PARD3: variants seen among roughly 807,000 people sequenced by gnomAD.
The protein encoded by PARD3 is partitioning defective 3 homolog.
A neutral mutation model predicts 155.4 loss-of-function variants in PARD3; 75 were observed. The observed-to-expected ratio is 0.48, with a 90% CI of 0.40 to 0.58. PARD3 has a LOEUF of 0.58. Among genes scored for constraint, PARD3 ranks in the 20% least tolerant of loss-of-function variants. PARD3 has a pLI of 0.00. For synonymous variants in PARD3, 576 were observed against 610.5 expected (o/e 0.94, Z 0.83); for missense variants, 1,642 against 1,721.7 (o/e 0.95, Z 0.82).
intron 22 of PARD3, among the ~76,000 whole-genome samples, chr10:34,192,395 G>A (rs1011257729): frequency 3.3e-5 from 5 of 152,146 alleles, no homozygotes; most frequent in African/African-American, 1.2e-4. Flanking sequence ...ACCGTCCCCA[G>A]CCCTGCTTGT....
At chr10:34,131,813 TC>T (rs1393760521) in intron 22 of PARD3, among the ~76,000 whole-genome samples, 38 of 136,756 alleles carry the variant, frequency 2.8e-4, no homozygotes, top group African/African-American at 9.9e-4. Flanking sequence ...TTTTAGATAT[TC>T]TTTTTTTTTT....
chr10:34,261,570 T>A (rs1954961657), intron 22 of PARD3, among the ~76,000 whole-genome samples: 1 of 151,828 alleles, frequency 6.6e-6, no homozygotes, highest in Non-Finnish European at 1.5e-5. Context: ...GTGCCTGTAA[T>A]CCCAGCTACT....
At chr10:34,575,937 G>A (rs1257590110) in intron 2 of PARD3, among the ~76,000 whole-genome samples, 1 of 150,766 alleles carries the variant, frequency 6.6e-6, no homozygotes, top group Non-Finnish European at 1.5e-5. Flanking sequence ...AGGTATTTGA[G>A]CTCTTCTCTG....
chr10:34,746,773 T>C (rs544415840), intron 1 of PARD3, among the ~76,000 whole-genome samples: 1 of 152,328 alleles, frequency 6.6e-6, no homozygotes, highest in East Asian at 1.9e-4. Context: ...AGGAATTTAT[T>C]TGCTTCTACT....
chr10:34,480,520 T>C (rs910139943), intron 3 of PARD3, among the ~76,000 whole-genome samples: 9 of 152,172 alleles, frequency 5.9e-5, no homozygotes. Flanking sequence ...ATTACCAGCA[T>C]GAACCACCTC....
intron 3 of PARD3, among the ~76,000 whole-genome samples, chr10:34,515,000 T>C (rs7917311): frequency 0.03 from 4,602 of 152,314 alleles, 229 homozygotes; most frequent in African/African-American, 0.1. Flanking sequence ...ACAGTGTTAT[T>C]ACTCAAATAA....
At chr10:34,389,173 T>C (rs944309710) in intron 7 of PARD3, among the ~76,000 whole-genome samples, 1 of 146,712 alleles carries the variant, frequency 6.8e-6, no homozygotes. Flanking sequence ...TCTGAATAAT[T>C]TTCCTAATAC....
At chr10:34,318,254 A>G (rs962223431) in intron 19 of PARD3, among the ~76,000 whole-genome samples, 8 of 152,226 alleles carry the variant, frequency 5.3e-5, no homozygotes, top group African/African-American at 1.9e-4. Flanking sequence ...TAAGAAGCAG[A>G]GAGACACGTA....
chr10:34,596,630 G>A (rs939821534), intron 2 of PARD3, among the ~76,000 whole-genome samples: 8 of 151,796 alleles, frequency 5.3e-5, no homozygotes, highest in Admixed American at 1.3e-4. Flanking sequence ...CCCAACACAC[G>A]GGGATGACAA....
chr10:34,341,849 T>C (rs372369070), intron 15 of PARD3, 33 bp from the exon 16 acceptor site: 62 of 1,353,006 alleles, frequency 4.6e-5, no homozygotes, highest in Non-Finnish European at 6.2e-5. Context: ...GAGAAAATTC[T>C]AGACATCGAT....
chr10:34,701,225 C>T (rs141070263), intron 1 of PARD3, among the ~76,000 whole-genome samples: 101 of 152,102 alleles, frequency 6.6e-4, no homozygotes, highest in Non-Finnish European at 1.3e-3. Context: ...TGATTCAGAA[C>T]GCTGTGAACA....
At chr10:34,642,220 T>TGTC (rs1162075421) in intron 2 of PARD3, among the ~76,000 whole-genome samples, 1 of 151,964 alleles carries the variant, frequency 6.6e-6, no homozygotes, top group East Asian at 1.9e-4. Flanking sequence ...TCGCACCCTC[T>TGTC]GTCATCCCTT....
chr10:34,427,027 C>A (rs2075645832), intron 5 of PARD3, among the ~76,000 whole-genome samples: 1 of 152,238 alleles, frequency 6.6e-6, no homozygotes, highest in South Asian at 2.1e-4. Flanking sequence ...ACTTTAATCT[C>A]TTAATCCTGT....
intron 22 of PARD3, among the ~76,000 whole-genome samples, chr10:34,135,184 C>T (rs1431782528): frequency 1.3e-5 from 2 of 152,160 alleles, no homozygotes; most frequent in Admixed American, 1.3e-4. Flanking sequence ...CACAGGGATG[C>T]TGAGAGGAAC....
intron 22 of PARD3, among the ~76,000 whole-genome samples, chr10:34,192,075 CTTG>C (rs1950736507): frequency 6.6e-6 from 1 of 151,548 alleles, no homozygotes; most frequent in Non-Finnish European, 1.5e-5. Flanking sequence ...CACTTTCCTG[CTTG>C]TTTTTTTTTT....
chr10:34,476,170 C>T (rs921830255), intron 3 of PARD3, among the ~76,000 whole-genome samples: 1 of 152,054 alleles, frequency 6.6e-6, no homozygotes, highest in African/African-American at 2.4e-5. Context: ...CACTGAGCTT[C>T]CATATGTTGG....
chr10:34,365,600 T>G (rs1564631683), intron 12 of PARD3, among the ~76,000 whole-genome samples: 2 of 152,182 alleles, frequency 1.3e-5, no homozygotes, highest in African/African-American at 4.8e-5. Context: ...ACTTATTTAT[T>G]TTTTCTGAGA....
chr10:34,507,331 G>T (rs1013537744), intron 3 of PARD3, among the ~76,000 whole-genome samples: 2 of 152,042 alleles, frequency 1.3e-5, no homozygotes, highest in East Asian at 1.9e-4. Flanking sequence ...GGGTGCAGGG[G>T]ACAAGAGGGC....
intron 17 of PARD3, among the ~76,000 whole-genome samples, chr10:34,336,709 T>C (rs1371266476): frequency 6.6e-6 from 1 of 152,144 alleles, no homozygotes; most frequent in African/African-American, 2.4e-5. Context: ...TATGATTATT[T>C]TCCTCCTCTC....
Sources: gnomAD v4.1 joint callset for allele counts (sites outside exome capture counted in the v4.1 genomes callset) on GRCh38, gnomAD v4.1.1 for gene constraint, MANE v1.5 for transcripts, NCBI Gene and HGNC (gene_info 2026-07-23, HGNC 2026-07-21) for gene names.